IQCH: variants seen among roughly 807,000 people sequenced by gnomAD.
The protein encoded by IQCH is IQ domain-containing protein H.
A neutral mutation model predicts 117.0 loss-of-function variants in IQCH; 98 were observed. The ratio of observed to expected loss-of-function variants is 0.84; its 90% CI spans 0.71 to 0.99. IQCH has a LOEUF of 0.99. Among genes scored for constraint, IQCH ranks in the 50% least tolerant of loss-of-function variants. IQCH has a pLI of 0.00. For missense variants in IQCH, 1,102 were observed against 1,243.8 expected, an observed-to-expected ratio of 0.89 and a Z score of 1.72; for synonymous variants, 412 against 448.2, an observed-to-expected ratio of 0.92 and a Z score of 1.02.
chr15:67,310,384 A>G (rs892287422), intron 4 of IQCH, among the ~76,000 whole-genome samples: 2 of 152,102 alleles, frequency 1.3e-5, no homozygotes, highest in African/African-American at 4.8e-5. Flanking sequence ...TGTACTAGTC[A>G]TATTTTGAAA....
chr15:67,260,178 A>T (rs1188615171), intron 1 of IQCH, among the ~76,000 whole-genome samples: 3 of 152,210 alleles, frequency 2.0e-5, no homozygotes, highest in Admixed American at 2.0e-4. Flanking sequence ...TTTGCATAAC[A>T]AAATGTTTTT....
chr15:67,330,388 A>G (rs1352367865), intron 4 of IQCH, among the ~76,000 whole-genome samples: 3 of 152,242 alleles, frequency 2.0e-5, no homozygotes, highest in Non-Finnish European at 2.9e-5. Context: ...TACACTCTGC[A>G]CATTGCTAAT....
intron 4 of IQCH, chr15:67,307,303 AG>A: frequency 2.6e-6 from 1 of 377,848 alleles, no homozygotes; most frequent in Non-Finnish European, 3.6e-6. Flanking sequence ...TATGTTATGC[AG>A]TGTTTTCCAC....
intron 14 of IQCH, among the ~76,000 whole-genome samples, chr15:67,415,680 A>C (rs777607298): frequency 1.3e-5 from 2 of 152,122 alleles, no homozygotes; most frequent in Non-Finnish European, 2.9e-5. Context: ...TGTGATTTCT[A>C]ATATTCCAAT....
intron 4 of IQCH, among the ~76,000 whole-genome samples, chr15:67,312,384 G>A (rs750226861): frequency 3.3e-5 from 5 of 152,056 alleles, no homozygotes; most frequent in Non-Finnish European, 5.9e-5. Context: ...TGCCAAAGGG[G>A]TTCACGACGT....
chr15:67,446,930 A>G (rs1374797476), intron 16 of IQCH, among the ~76,000 whole-genome samples: 2 of 152,150 alleles, frequency 1.3e-5, no homozygotes, highest in African/African-American at 4.8e-5. Context: ...CTCTCTGGCA[A>G]TTGGGGGAGC....
intron 18 of IQCH, among the ~76,000 whole-genome samples, chr15:67,478,933 G>C (rs1289907808): frequency 6.6e-6 from 1 of 151,592 alleles, no homozygotes; most frequent in African/African-American, 2.4e-5. Flanking sequence ...AAAAAAAAAA[G>C]AAAGAAATGA....
intron 4 of IQCH, among the ~76,000 whole-genome samples, chr15:67,325,093 CA>C (rs1372892184): frequency 6.6e-6 from 1 of 152,066 alleles, no homozygotes; most frequent in Non-Finnish European, 1.5e-5. Flanking sequence ...ACTGAAGAAC[CA>C]TTATGTAAAA....
chr15:67,307,936 T>A (rs1967383047), intron 4 of IQCH, among the ~76,000 whole-genome samples: 1 of 152,164 alleles, frequency 6.6e-6, no homozygotes, highest in African/African-American at 2.4e-5. Context: ...TCATCTGGAA[T>A]CAGAGATTGA....
chr15:67,400,006 C>A, intron 13 of IQCH, 108 bp from the exon 14 acceptor site: 1 of 778,906 alleles, frequency 1.3e-6, no homozygotes, highest in Non-Finnish European at 2.1e-6. Context: ...AATGAACAGA[C>A]CATTAGAAGT....
rs866196399 is a variant in IQCH, at chr15:67,390,783, C to A, written c.1632+1777C>A. Among the ~76,000 whole-genome samples, 11 of 152,196 alleles carry A rather than the reference C, an allele frequency of 7.2e-5. No individual in the cohort carries two copies. Among genetic ancestry groups the A allele is most frequent in the African/African-American group, 2.4e-4 (10 of 41,458 alleles). ...GGGTTACAGGTGTGAGCCACCGCGC[C>A]CAGCCCAGTTTCTCATTTGATTCTC... On this transcript the variant is annotated intron_variant, in intron 12 of 20. Transcript: ENST00000335894. This position sits in a 1 kb window ranked among gnomAD's most constrained non-coding sequence, Gnocchi z 5.0.
At position 67,443,194 on chromosome 15, in the gene IQCH, G is replaced by T. The variant is rs1033846044; in HGVS notation, c.2505+21617G>T. Among the ~76,000 whole-genome samples, 2 of 152,086 alleles carry T rather than the reference G, an allele frequency of 1.3e-5. No homozygotes were observed. The highest frequency in any genetic ancestry group is 2.9e-5 in the Non-Finnish European group (2 of 68,018). ...TTTTTAGTAGAGACGGGGTTTCACC[G>T]TGTTAACCAGGATGGTCTCGATCTC... On this transcript the variant is annotated intron_variant, in intron 16 of 20. Coordinates refer to ENST00000335894, the MANE Select transcript of IQCH (RefSeq NM_001031715.3). This position sits in a 1 kb window ranked among gnomAD's most constrained non-coding sequence, Gnocchi z 5.0.
chr15:67,358,393 G>A (rs138733162), intron 7 of IQCH, among the ~76,000 whole-genome samples: 13 of 139,648 alleles, frequency 9.3e-5, no homozygotes, highest in East Asian at 2.2e-4. Flanking sequence ...ACAAGGTTTC[G>A]CTATGTTGGC....
At chr15:67,321,728 T>C (rs1968144153) in intron 4 of IQCH, among the ~76,000 whole-genome samples, 1 of 152,154 alleles carries the variant, frequency 6.6e-6, no homozygotes, top group Non-Finnish European at 1.5e-5. Context: ...TACACTGTTT[T>C]CTCCAGGTTA....
intron 4 of IQCH, among the ~76,000 whole-genome samples, chr15:67,298,019 G>A (rs1456655007): frequency 6.6e-6 from 1 of 152,004 alleles, no homozygotes; most frequent in East Asian, 1.9e-4. Context: ...TTTAAAATGG[G>A]CAAAAGAGGC....
At chr15:67,304,354 A>G in intron 4 of IQCH, 2 of 1,521,464 alleles carry the variant, frequency 1.3e-6, no homozygotes, top group Middle Eastern at 1.7e-4. Flanking sequence ...GATAGGGTTG[A>G]ATGTAAAAAT....
At chr15:67,281,592 T>C in intron 4 of IQCH, 1 of 405,952 alleles carries the variant, frequency 2.5e-6, no homozygotes, top group Non-Finnish European at 4.9e-6. Flanking sequence ...TTCTTTTCAG[T>C]CGTTTAAAGG....
Position 67,454,702 on chromosome 15 carries a change from A to G in IQCH, c.2506-10425A>G, listed in dbSNP as rs2082619440. ...TCTTTCAGTTTCTATAATGTTTTCA[A>G]GGTTCCATCATGTTGTAGCATATAT... is the stretch of plus-strand genomic sequence containing the variant. On this transcript the variant is annotated intron_variant, in intron 16 of 20. Transcript: ENST00000335894. This position sits in a 1 kb window ranked among gnomAD's most constrained non-coding sequence, Gnocchi z 5.2. Among the ~76,000 whole-genome samples the G allele has an allele frequency of 6.6e-6, 1 of 152,316 alleles. No individual in the cohort carries two copies. Among genetic ancestry groups the G allele is most frequent in the Middle Eastern group, 3.4e-3 (1 of 294 alleles).
At chr15:67,332,722 A>G (rs1033533423) in intron 4 of IQCH, among the ~76,000 whole-genome samples, 2 of 152,208 alleles carry the variant, frequency 1.3e-5, no homozygotes, top group Admixed American at 6.6e-5. Flanking sequence ...CAGGACATCA[A>G]GAGAGTTCTA....
Sources: gnomAD v4.1 joint callset for allele counts (sites outside exome capture counted in the v4.1 genomes callset) on GRCh38, gnomAD v4.1.1 for gene constraint, Gnocchi (gnomAD v3.1) non-coding constraint, MANE v1.5 for transcripts, NCBI Gene and HGNC (gene_info 2026-07-23, HGNC 2026-07-21) for gene names.